MMP2: variants seen among roughly 807,000 people sequenced by gnomAD.
The protein encoded by MMP2 is matrix metallopeptidase 2.
In MMP2, 39 loss-of-function variants were observed where a neutral mutation model predicts 74.8. The observed-to-expected ratio is 0.52, with a 90% CI of 0.40 to 0.68. The LOEUF is 0.68. MMP2 is among the 30% of genes least tolerant of loss of function. The pLI, the probability that MMP2 is intolerant of heterozygous loss-of-function variation, is 0.00. For missense variants in MMP2, 803 were observed against 878.3 expected, an observed-to-expected ratio of 0.91 and a Z score of 1.08; for synonymous variants, 367 against 339.8, an observed-to-expected ratio of 1.08 and a Z score of -0.88.
At chr16:55,495,839 G>A (rs1001493371) in intron 9 of MMP2, among the ~76,000 whole-genome samples, 10 of 152,108 alleles carry the variant, frequency 6.6e-5, no homozygotes, top group South Asian at 2.1e-4. Flanking sequence ...TCCTAAGGCC[G>A]GTTCTACCTC....
At chr16:55,487,583 T>C (rs1962290291) in intron 5 of MMP2, 1 of 152,226 alleles carries the variant, frequency 6.6e-6, no homozygotes, top group African/African-American at 2.4e-5. Flanking sequence ...ATTCCGGCCA[T>C]GGTGGAGTTA....
chr16:55,493,471 G>A (rs55753005), intron 9 of MMP2, among the ~76,000 whole-genome samples, 178 bp downstream of exon 9: 4,565 of 152,242 alleles, frequency 0.03, 108 homozygotes, highest in East Asian at 0.1. Flanking sequence ...TTGCACCCAA[G>A]CATTTTGTTT....
In MMP2 at chr16:55,497,001, C is replaced by T. The variant is rs41521545; in HGVS notation, c.1548C>T (p.Leu516=). 297 of 1,614,172 alleles carry T rather than the reference C, an allele frequency of 1.8e-4. 1 individual carries two copies. In the African/African-American group the frequency reaches 3.7e-3, roughly 20 times the overall value. ...PLLVATFWPE[L]PEKIDAVYEA... is the part of the protein sequence containing the mutation. The stretch of plus-strand genomic sequence containing the variant: ...TGGTGGCCACATTCTGGCCTGAGCT[C>T]CCGGAAAAGATTGATGCGGTATACG... The change falls in exon 10 of 13, where the codon CTC becomes CTT. Residue 516 remains leucine, a synonymous_variant. Transcript: ENST00000219070.
intron 8 of MMP2, among the ~76,000 whole-genome samples, chr16:55,492,800 G>A (rs12598301): frequency 4.6e-5 from 7 of 152,014 alleles, no homozygotes; most frequent in Non-Finnish European, 5.9e-5. Context: ...CCCCCTGACC[G>A]CCCTGACTCT....
intron 11 of MMP2, among the ~76,000 whole-genome samples, chr16:55,500,511 A>G (rs1962642727): frequency 7.2e-6 from 1 of 139,834 alleles, no homozygotes; most frequent in African/African-American, 2.5e-5. Context: ...ACACACACAC[A>G]CACACACACA....
intron 9 of MMP2, among the ~76,000 whole-genome samples, chr16:55,493,638 G>C (rs895488609): frequency 6.6e-6 from 1 of 152,202 alleles, no homozygotes; most frequent in African/African-American, 2.4e-5. Flanking sequence ...CTCATTTAAA[G>C]CCTCCACTCA....
chr16:55,502,830 A>G lies in MMP2; in HGVS notation c.1821A>G (p.Ala607=). The G allele has an allele frequency of 6.2e-7, 1 of 1,614,142 alleles. No homozygotes were observed. Among genetic ancestry groups the G allele is most frequent in the Non-Finnish European group, 8.5e-7 (1 of 1,180,034 alleles). The change falls in exon 12 of 13, where the codon GCA becomes GCG. Residue 607 remains alanine, a synonymous_variant. Transcript: ENST00000219070. ...KMDPGFPKLI[A]DAWNAIPDNL... is the part of the protein sequence containing the mutation. ...ATCCTGGCTTCCCCAAGCTCATCGC[A>G]GATGCCTGGAATGCCATCCCCGATA...
chr16:55,479,443 G>T lies in MMP2; in HGVS notation c.-37G>T. Reference sequence around the variant, plus strand: ...AGGCGGCCACACGCACCGAGCCAGCGACCCCCGGGCGACGCGCGGGGCCAG... The same window carrying T: ...AGGCGGCCACACGCACCGAGCCAGCTACCCCCGGGCGACGCGCGGGGCCAG... On this transcript the variant is annotated 5_prime_UTR_variant, in exon 1 of 13. Transcript: ENST00000219070. 3 of 1,449,084 alleles carry T rather than the reference G, an allele frequency of 2.1e-6. No individual in the cohort carries two copies. Among genetic ancestry groups the T allele is most frequent in the Non-Finnish European group, 2.7e-6 (3 of 1,106,522 alleles). The allele number at this position is 1,449,084 out of a possible 1,614,324, so 89.8% of individuals were successfully genotyped here. A position where few individuals can be genotyped will look rare whatever the true frequency, so the allele number is the denominator to read the frequency against.
intron 12 of MMP2, among the ~76,000 whole-genome samples, chr16:55,503,317 A>G (rs1290681125): frequency 6.6e-6 from 1 of 152,190 alleles, no homozygotes; most frequent in Admixed American, 6.5e-5. Flanking sequence ...CTCATGTGGC[A>G]AAGATCCTCC....
chr16:55,488,517 T>A, intron 5 of MMP2, 26 bp from the exon 6 acceptor site: 1 of 1,611,006 alleles, frequency 6.2e-7, no homozygotes, highest in South Asian at 1.1e-5. Flanking sequence ...CTCATTCACA[T>A]CCTTCCCTCT....
rs1962807116 is a variant in MMP2, at chr16:55,506,552, T to C, written c.*1110T>C. 6.6e-6 allele frequency: 1 copy of C among 152,222 alleles called. No individual in the cohort carries two copies. Among genetic ancestry groups the C allele is most frequent in the Non-Finnish European group, 1.5e-5 (1 of 68,030 alleles). 9.4% of individuals were successfully genotyped at this position (152,222 alleles called of 1,614,324 possible). On this transcript the variant is annotated 3_prime_UTR_variant, in exon 13 of 13. Coordinates refer to ENST00000219070, the MANE Select transcript of MMP2 (RefSeq NM_004530.6). ...TCAGTTTTAATGCTACTACTAACAA[T>C]GAACAGTAACAATAATATCCCCCTC...
intron 12 of MMP2, among the ~76,000 whole-genome samples, chr16:55,503,149 G>T (rs1457072244): frequency 2.0e-5 from 3 of 152,164 alleles, no homozygotes; most frequent in South Asian, 2.1e-4. Context: ...AGGGCGGAAG[G>T]CCTGGGCCAG....
chr16:55,504,203 A>C (rs1962739767), intron 12 of MMP2, among the ~76,000 whole-genome samples: 1 of 152,022 alleles, frequency 6.6e-6, no homozygotes, highest in Non-Finnish European at 1.5e-5. Context: ...TCTATATTAG[A>C]TATTCTAGTT....
At chr16:55,495,677 G>C (rs1317895179) in intron 9 of MMP2, among the ~76,000 whole-genome samples, 4 of 152,162 alleles carry the variant, frequency 2.6e-5, no homozygotes, top group Non-Finnish European at 5.9e-5. Context: ...AAATAACAGA[G>C]ACCATCCCTC....
At position 55,506,658 on chromosome 16, in the gene MMP2, G is replaced by A. The variant is rs1270668285; in HGVS notation, c.*1216G>A. 1 of 152,084 alleles carries A rather than the reference G, an allele frequency of 6.6e-6. No homozygotes were observed. The highest frequency in any genetic ancestry group is 2.4e-5 in the African/African-American group (1 of 41,384). 9.4% of individuals were successfully genotyped at this position (152,084 alleles called of 1,614,324 possible). A position where few individuals can be genotyped will look rare whatever the true frequency, so the allele number is the denominator to read the frequency against. ...CCTTTCCAACCACATAAATAAAAAA[G>A]GCCATTATTAGTTGAATCTTATTGA... is the stretch of plus-strand genomic sequence containing the variant. On this transcript the variant is annotated 3_prime_UTR_variant, in exon 13 of 13. Coordinates refer to ENST00000219070, the MANE Select transcript of MMP2 (RefSeq NM_004530.6).
At position 55,479,419 on chromosome 16, in the gene MMP2, G is replaced by A; in HGVS notation, c.-61G>A. The A allele has an allele frequency of 7.1e-7, 1 of 1,401,186 alleles. No homozygotes were observed. Among genetic ancestry groups the A allele is most frequent in the Admixed American group, 3.4e-5 (1 of 29,132 alleles). The allele number at this position is 1,401,186 out of a possible 1,614,324, so 86.8% of individuals were successfully genotyped here. A position where few individuals can be genotyped will look rare whatever the true frequency, so the allele number is the denominator to read the frequency against. On this transcript the variant is annotated 5_prime_UTR_variant, in exon 1 of 13. Coordinates refer to ENST00000219070, the MANE Select transcript of MMP2 (RefSeq NM_004530.6). ...GGAGCAGGCTCCAACCAGGCGGCGA[G>A]GCGGCCACACGCACCGAGCCAGCGA...
rs1962348610 is a variant in MMP2 at position 55,489,582 on chromosome 16, A to T, written c.1007-69A>T. On this transcript the variant is annotated intron_variant, in intron 6 of 12. Transcript: ENST00000219070. The stretch of plus-strand genomic sequence containing the variant: ...GGTGTGGTTCATTAAGGTCAGCGTC[A>T]TGTCATTGCTTCCTGGTGGTAGCCT... 2.5e-6 allele frequency: 4 copies of T among 1,583,944 alleles called. No homozygotes were observed. The East Asian group carries it at 8.9e-5, about 35-fold the overall frequency.
chr16:55,488,537 C>T lies in MMP2; in HGVS notation c.833-6C>T. Reference sequence around the variant, plus strand: ...TCACATCCTTCCCTCTCTCCCCCACCCTTAGCCCTGTTCACCATGGGCGGC... The same window carrying T: ...TCACATCCTTCCCTCTCTCCCCCACTCTTAGCCCTGTTCACCATGGGCGGC... On this transcript the variant is annotated splice_region_variant and splice_polypyrimidine_tract_variant and intron_variant, in intron 5 of 12. Coordinates refer to ENST00000219070, the MANE Select transcript of MMP2 (RefSeq NM_004530.6). 3 of 1,613,532 alleles carry T rather than the reference C, an allele frequency of 1.9e-6. No individual in the cohort carries two copies. Among genetic ancestry groups the T allele is most frequent in the Non-Finnish European group, 2.5e-6 (3 of 1,179,852 alleles).
rs1962582931 is a variant in MMP2 at position 55,498,383 on chromosome 16, G to T, written c.1704G>T (p.Val568=). ...GACTGCCCCCTGATGTCCAGCGAGTGGATGCCGCCTTTAACTGGAGCAAAA... is the reference window on the plus strand; with the variant it reads ...GACTGCCCCCTGATGTCCAGCGAGTTGATGCCGCCTTTAACTGGAGCAAAA... ...SLGLPPDVQR[V]DAAFNWSKNK... Residue 568 remains valine, a synonymous_variant, in exon 11 of 13, where the codon GTG becomes GTT. Coordinates refer to ENST00000219070, the MANE Select transcript of MMP2 (RefSeq NM_004530.6). The T allele has an allele frequency of 6.2e-7, 1 of 1,614,122 alleles. No individual in the cohort carries two copies. Among genetic ancestry groups the T allele is most frequent in the Non-Finnish European group, 8.5e-7 (1 of 1,180,062 alleles).
Sources: gnomAD v4.1 joint callset for allele counts (sites outside exome capture counted in the v4.1 genomes callset) on GRCh38, gnomAD v4.1.1 for gene constraint, MANE v1.5 for transcripts, NCBI Gene and HGNC (gene_info 2026-07-23, HGNC 2026-07-21) for gene names.